ABI2: variants seen among roughly 807,000 people sequenced by gnomAD.
ABI2 encodes abl interactor 2, also known as abelson interactor 2.
A neutral mutation model predicts 59.2 loss-of-function variants in ABI2; 25 were observed. That is an observed-to-expected ratio of 0.42 (90% CI 0.31 to 0.59). ABI2 has a LOEUF of 0.59. ABI2 is among the 20% of genes least tolerant of loss of function. The probability of loss-of-function intolerance (pLI) is 0.14; values close to 1 mark genes in which losing one functional copy is unlikely to be tolerated. For missense variants in ABI2, 545 were observed against 681.8 expected, an observed-to-expected ratio of 0.80 and a Z score of 2.23; for synonymous variants, 213 against 235.5, an observed-to-expected ratio of 0.90 and a Z score of 0.87.
chr2:203,392,049 T>A (rs1404105058), intron 5 of ABI2, among the ~76,000 whole-genome samples: 3 of 152,154 alleles, frequency 2.0e-5, no homozygotes, highest in Non-Finnish European at 4.4e-5. Context: ...TGCTGTTACT[T>A]TATAATTCCT....
chr2:203,375,864 G>C (rs1034148916), intron 2 of ABI2: 1 of 403,394 alleles, frequency 2.5e-6, no homozygotes, highest in Non-Finnish European at 4.4e-6. Flanking sequence ...AGTGCTCTCT[G>C]TCAAATTATT....
At chr2:203,335,286 TCTCA>T (rs1158240038) in intron 1 of ABI2, among the ~76,000 whole-genome samples, 2 of 152,182 alleles carry the variant, frequency 1.3e-5, no homozygotes, top group African/African-American at 4.8e-5. Flanking sequence ...TGAGACAGGG[TCTCA>T]CTCTGTCACT....
At chr2:203,387,335 G>A (rs1229079145) in intron 4 of ABI2, among the ~76,000 whole-genome samples, 1 of 152,160 alleles carries the variant, frequency 6.6e-6, no homozygotes, top group Non-Finnish European at 1.5e-5. Flanking sequence ...AGCAGGATAG[G>A]TAGGAGCATT....
intron 4 of ABI2, among the ~76,000 whole-genome samples, chr2:203,384,448 AT>A: frequency 6.6e-6 from 1 of 151,870 alleles, no homozygotes; most frequent in Admixed American, 6.6e-5. Flanking sequence ...TTGGTACTAC[AT>A]GTGTGCACCA....
chr2:203,340,533 AT>A lies in ABI2; in HGVS notation c.117+11907del, dbSNP rs139664045. ...ATGTGTGTACCACCACACATGGCTAATTTTTGTAGTGACGGGGTTTCGCCCT... is the reference window on the plus strand; with the variant it reads ...ATGTGTGTACCACCACACATGGCTAATTTTGTAGTGACGGGGTTTCGCCCT... On this transcript the variant is annotated intron_variant, in intron 1 of 11. Coordinates refer to ENST00000261018, the MANE Select transcript of ABI2 (RefSeq NM_001375670.1). 8.5e-4 allele frequency among the ~76,000 whole-genome samples: 129 copies of A among 151,978 alleles called. 1 individual carries two copies. Among genetic ancestry groups the A allele is most frequent in the Non-Finnish European group, 1.5e-3 (105 of 67,956 alleles).
chr2:203,389,255 A>G (rs2096651232), intron 4 of ABI2, among the ~76,000 whole-genome samples: 1 of 152,194 alleles, frequency 6.6e-6, no homozygotes, highest in African/African-American at 2.4e-5. Flanking sequence ...CTTACTTGAT[A>G]ATGTTTGTTT....
At chr2:203,378,913 C>T (rs1334705547) in intron 2 of ABI2, among the ~76,000 whole-genome samples, 2 of 152,052 alleles carry the variant, frequency 1.3e-5, no homozygotes, top group Non-Finnish European at 2.9e-5. Context: ...ATATAATAAA[C>T]AGACTTTTCA....
intron 2 of ABI2, chr2:203,376,168 TC>T (rs141056236): frequency 0.077 from 112,455 of 1,463,966 alleles, 4,884 homozygotes; most frequent in Admixed American, 0.11. Context: ...CCTCTATAGA[TC>T]TTTGGTTCTC....
chr2:203,370,939 T>A (rs1413861652), intron 2 of ABI2, among the ~76,000 whole-genome samples: 1 of 152,194 alleles, frequency 6.6e-6, no homozygotes, highest in Non-Finnish European at 1.5e-5. Context: ...TTTACCACCT[T>A]TCAGCCTCCT....
At chr2:203,355,828 T>TAAA (rs1559201882) in intron 1 of ABI2, among the ~76,000 whole-genome samples, 40 of 43,318 alleles carry the variant, frequency 9.2e-4, no homozygotes, top group Non-Finnish European at 1.7e-3. Flanking sequence ...CAAAACTGTC[T>TAAA]CAAAAAAAAA....
chr2:203,402,924 A>G (rs2097280341), intron 9 of ABI2, among the ~76,000 whole-genome samples, 190 bp downstream of exon 9: 2 of 152,206 alleles, frequency 1.3e-5, no homozygotes, highest in Admixed American at 1.3e-4. Flanking sequence ...TCAGTATGTG[A>G]TTTCCACGTA....
chr2:203,356,796 C>A (rs1043971903), intron 1 of ABI2, among the ~76,000 whole-genome samples: 1 of 151,992 alleles, frequency 6.6e-6, no homozygotes, highest in African/African-American at 2.4e-5. Context: ...CTACCACACT[C>A]GGCAGCATAT....
intron 6 of ABI2, among the ~76,000 whole-genome samples, chr2:203,395,446 T>TACACACACAC (rs774200941): frequency 8.2e-5 from 7 of 85,348 alleles, no homozygotes; most frequent in Non-Finnish European, 1.3e-4. Context: ...TATATATATA[T>TACACACACAC]ATACACACAC....
chr2:203,362,244 ATC>A (rs955215079), intron 1 of ABI2, among the ~76,000 whole-genome samples: 2 of 152,312 alleles, frequency 1.3e-5, no homozygotes, highest in African/African-American at 4.8e-5. Context: ...TCTGTTTTTC[ATC>A]TAAGCATGAA....
chr2:203,396,697 T>G, intron 7 of ABI2, 88 bp from the exon 8 acceptor site: 2 of 1,314,856 alleles, frequency 1.5e-6, no homozygotes, highest in Non-Finnish European at 2.0e-6. Context: ...GCACTGAATA[T>G]CTAACATTAA....
intron 1 of ABI2, among the ~76,000 whole-genome samples, chr2:203,353,471 C>CTT (rs1482387163): frequency 6.6e-6 from 1 of 151,994 alleles, no homozygotes; most frequent in Non-Finnish European, 1.5e-5. Context: ...TCCAGAGGTG[C>CTT]TTCATTTATG....
rs1581224472 is a variant in ABI2 at position 203,432,007 on chromosome 2, C to T, written c.*4655C>T. ...GTATTATGAGTTGAGTAAAAACCAT[C>T]CAGGGGAACTTGAGGGAGCAGTCTG... On this transcript the variant is annotated 3_prime_UTR_variant, in exon 12 of 12. Transcript: ENST00000261018. The T allele has an allele frequency of 6.6e-6, 1 of 152,116 alleles. No homozygotes were observed. Among genetic ancestry groups the T allele is most frequent in the Non-Finnish European group, 1.5e-5 (1 of 68,030 alleles). The allele number at this position is 152,116 out of a possible 1,614,324, so 9.4% of individuals were successfully genotyped here. A position where few individuals can be genotyped will look rare whatever the true frequency, so the allele number is the denominator to read the frequency against.
chr2:203,412,757 A>G (rs891773332), intron 10 of ABI2, among the ~76,000 whole-genome samples: 1 of 152,200 alleles, frequency 6.6e-6, no homozygotes, highest in African/African-American at 2.4e-5. Context: ...GCACATCCAT[A>G]GTGTGATCCT....
chr2:203,338,850 A>G (rs1274717125), intron 1 of ABI2, among the ~76,000 whole-genome samples: 3 of 147,772 alleles, frequency 2.0e-5, no homozygotes, highest in Admixed American at 6.8e-5. Flanking sequence ...TGAAAAGGCA[A>G]TTTATGGAAT....
Sources: gnomAD v4.1 joint callset for allele counts (sites outside exome capture counted in the v4.1 genomes callset) on GRCh38, gnomAD v4.1.1 for gene constraint, MANE v1.5 for transcripts, NCBI Gene and HGNC (gene_info 2026-07-23, HGNC 2026-07-21) for gene names.